The following MSRA variants were observed in gnomAD, a reference collection of about 807,000 sequenced individuals.
MSRA encodes the protein methionine sulfoxide reductase A.
In MSRA, 54 loss-of-function variants were observed where a neutral mutation model predicts 31.3. The ratio of observed to expected loss-of-function variants is 1.73; its 90% CI spans 1.39 to 2.17. MSRA has a LOEUF of 2.17. MSRA is among the 30% of genes most tolerant of loss of function. The pLI is 0.00. For missense variants in MSRA, 507 were observed against 300.9 expected (o/e 1.69, Z -5.07); for synonymous variants, 169 against 116.5 (o/e 1.45, Z -2.90).
chr8:10,293,630 C>G (rs1361446720), intron 3 of MSRA, among the ~76,000 whole-genome samples: 8 of 152,206 alleles, frequency 5.3e-5, no homozygotes, highest in Admixed American at 5.2e-4. Flanking sequence ...GAAGAAAGGT[C>G]CGACGTGTCT....
intron 2 of MSRA, among the ~76,000 whole-genome samples, chr8:10,208,836 G>C (rs890087324): frequency 2.0e-5 from 3 of 152,222 alleles, no homozygotes; most frequent in Non-Finnish European, 2.9e-5. Context: ...CTCTGGTCTT[G>C]ATGGTAATCT....
At chr8:10,220,443 T>C (rs1810389736) in intron 2 of MSRA, among the ~76,000 whole-genome samples, 1 of 152,246 alleles carries the variant, frequency 6.6e-6, no homozygotes, top group African/African-American at 2.4e-5. Flanking sequence ...AAAATATGCT[T>C]AGCATAAGCT....
In MSRA at chr8:10,204,071, A is replaced by G. The variant is rs1808734689; in HGVS notation, c.143-3762A>G. 1.3e-5 allele frequency among the ~76,000 whole-genome samples: 2 copies of G among 152,150 alleles called. 1 individual carries two copies. On this transcript the variant is annotated intron_variant, in intron 1 of 5. Coordinates refer to ENST00000317173, the MANE Select transcript of MSRA (RefSeq NM_012331.5). ...TCAACAGAAAATTTAAAAAGTAAAA[A>G]ATGAAAATTTTAAAAACAGGAAGAG... is the stretch of plus-strand genomic sequence containing the variant.
At chr8:10,404,671 T>C (rs1807688121) in intron 5 of MSRA, among the ~76,000 whole-genome samples, 2 of 152,222 alleles carry the variant, frequency 1.3e-5, no homozygotes, top group Non-Finnish European at 2.9e-5. Flanking sequence ...TCGCACACAC[T>C]GATGTGTACA....
intron 1 of MSRA, chr8:10,096,054 A>AGATTT: frequency 7.1e-7 from 1 of 1,407,904 alleles, no homozygotes; most frequent in East Asian, 2.6e-5. Context: ...GTAAGTTTTT[A>AGATTT]GATTTTATTT....
At chr8:10,270,668 C>T (rs1277089451) in intron 3 of MSRA, among the ~76,000 whole-genome samples, 2 of 152,190 alleles carry the variant, frequency 1.3e-5, no homozygotes, top group African/African-American at 4.8e-5. Flanking sequence ...AAGTGTTATC[C>T]AGGTGGATGT....
rs114650862 is a variant in MSRA at position 10,344,101 on chromosome 8, C to G, written c.543+24112C>G. ...AGCCACAGGACTGGAGCTTCTCCCT[C>G]TTGCTAAGGAAGTTGCATGTATCAC... On this transcript the variant is annotated intron_variant, in intron 5 of 5. Transcript: ENST00000317173. 5.3e-3 allele frequency among the ~76,000 whole-genome samples: 806 copies of G among 152,324 alleles called. 10 individuals are homozygous for G. Among genetic ancestry groups the G allele is most frequent in the African/African-American group, 0.018 (758 of 41,560 alleles).
intron 1 of MSRA, among the ~76,000 whole-genome samples, chr8:10,055,401 G>A (rs930958681): frequency 1.3e-5 from 2 of 152,216 alleles, no homozygotes; most frequent in Non-Finnish European, 2.9e-5. Flanking sequence ...TCAAAATCTT[G>A]GCAATTTCTG....
intron 3 of MSRA, among the ~76,000 whole-genome samples, chr8:10,281,645 C>T (rs752863114): frequency 2.0e-5 from 3 of 152,204 alleles, no homozygotes; most frequent in Non-Finnish European, 4.4e-5. Context: ...CGATTTCCGG[C>T]ATGTGCTACA....
At chr8:10,375,537 C>T (rs1286384906) in intron 5 of MSRA, among the ~76,000 whole-genome samples, 1 of 152,244 alleles carries the variant, frequency 6.6e-6, no homozygotes, top group Non-Finnish European at 1.5e-5. Context: ...ACCTTATCAA[C>T]AGCTGATCAA....
intron 1 of MSRA, among the ~76,000 whole-genome samples, chr8:10,111,483 C>T (rs550604830): frequency 7.9e-5 from 12 of 152,240 alleles, no homozygotes; most frequent in Admixed American, 1.3e-4. Flanking sequence ...TATGATTTGT[C>T]GATCTTTTCC....
At chr8:10,324,663 C>T (rs1363108642) in intron 5 of MSRA, among the ~76,000 whole-genome samples, 5 of 152,152 alleles carry the variant, frequency 3.3e-5, no homozygotes, top group African/African-American at 1.2e-4. Context: ...CTGGGTCCCA[C>T]AGAAAGCAGA....
intron 5 of MSRA, among the ~76,000 whole-genome samples, chr8:10,345,603 AAAT>A (rs1803721254): frequency 1.3e-5 from 2 of 152,366 alleles, no homozygotes; most frequent in South Asian, 4.1e-4. Context: ...ATATTATTAC[AAAT>A]AATAATTATG....
chr8:10,307,935 G>T (rs1420048318), intron 4 of MSRA, among the ~76,000 whole-genome samples: 1 of 152,206 alleles, frequency 6.6e-6, no homozygotes, highest in Non-Finnish European at 1.5e-5. Context: ...GACTATGGGG[G>T]CCTTAGTAGA....
chr8:10,305,113 T>C (rs570050001), intron 4 of MSRA, among the ~76,000 whole-genome samples: 3 of 152,204 alleles, frequency 2.0e-5, no homozygotes, highest in African/African-American at 7.2e-5. Context: ...GTAAAGTCAT[T>C]AAGGACTTGA....
chr8:10,284,223 C>G (rs972555379), intron 3 of MSRA, among the ~76,000 whole-genome samples: 16 of 152,116 alleles, frequency 1.1e-4, no homozygotes, highest in African/African-American at 3.9e-4. Context: ...GAGTTTTACT[C>G]TTGTTCCCGG....
chr8:10,170,597 C>T lies in MSRA; in HGVS notation c.143-37236C>T, dbSNP rs552417995. Among the ~76,000 whole-genome samples the T allele has an allele frequency of 6.6e-5, 10 of 152,274 alleles. No individual in the cohort carries two copies. In the East Asian group the frequency reaches 1.2e-3, roughly 18 times the overall value. On this transcript the variant is annotated intron_variant, in intron 1 of 5. Coordinates refer to ENST00000317173, the MANE Select transcript of MSRA (RefSeq NM_012331.5). ...AAAACACAAAAATACAGTGTATCAA[C>T]CATTTGCAAAGCATTTACATTGTAT...
chr8:10,418,815 T>TAAAAAAAAAAAAAAAAAAA (rs71203323), intron 5 of MSRA, among the ~76,000 whole-genome samples: 11 of 66,024 alleles, frequency 1.7e-4, no homozygotes, highest in Non-Finnish European at 2.5e-4. Context: ...TTACTACGAC[T>TAAAAAAAAAAAAAAAAAAA]AAAAAAAAAA....
At chr8:10,356,169 T>C (rs1804496539) in intron 5 of MSRA, among the ~76,000 whole-genome samples, 1 of 152,220 alleles carries the variant, frequency 6.6e-6, no homozygotes, top group African/African-American at 2.4e-5. Flanking sequence ...GGCAGCCTTC[T>C]TTCTTGTCTT....
Sources: gnomAD v4.1 joint callset for allele counts (sites outside exome capture counted in the v4.1 genomes callset) on GRCh38, gnomAD v4.1.1 for gene constraint, MANE v1.5 for transcripts, NCBI Gene and HGNC (gene_info 2026-07-23, HGNC 2026-07-21) for gene names.